The following KLF13 variants were observed in gnomAD, a reference collection of about 807,000 sequenced individuals.
The protein encoded by KLF13 is Krueppel-like factor 13.
In KLF13, 8 loss-of-function variants were observed where a neutral mutation model predicts 16.7. That is an observed-to-expected ratio of 0.48 (90% CI 0.28 to 0.87). KLF13 has a LOEUF of 0.87. Ranked by LOEUF, KLF13 falls within the 40% of genes least tolerant of loss-of-function variation. The pLI is 0.10. For missense variants in KLF13, 447 were observed against 452.2 expected, an observed-to-expected ratio of 0.99 and a Z score of 0.10; for synonymous variants, 245 against 208.4, an observed-to-expected ratio of 1.18 and a Z score of -1.51.
intron 1 of KLF13, among the ~76,000 whole-genome samples, chr15:31,416,606 C>G (rs894972491): frequency 1.3e-5 from 2 of 151,938 alleles, no homozygotes; most frequent in Non-Finnish European, 2.9e-5. Flanking sequence ...AAACACTTAC[C>G]AAACTAAAAA....
chr15:31,392,565 A>C (rs2039887385), upstream of KLF13, among the ~76,000 whole-genome samples: 1 of 152,176 alleles, frequency 6.6e-6, no homozygotes, highest in African/African-American at 2.4e-5. Context: ...CCGCCCCTGA[A>C]GGGGCCTGCA....
Position 31,377,334 on chromosome 15 carries a change from G to T in KLF13, c.*5035G>T. 6.5e-6 allele frequency: 1 copy of T among 152,748 alleles called. No homozygotes were observed. The allele number at this position is 152,748 out of a possible 1,614,324, so 9.5% of individuals were successfully genotyped here. A position where few individuals can be genotyped will look rare whatever the true frequency, so the allele number is the denominator to read the frequency against. ...AGAGAGGCCCCTGGTGCCTAGTGCT[G>T]AGGCCTCTGGGGCTGGAAAGCCTCA... On this transcript the variant is annotated 3_prime_UTR_variant, in exon 2 of 2. Coordinates refer to ENST00000307145, the MANE Select transcript of KLF13 (RefSeq NM_015995.4).
rs56395948 is a variant in KLF13 at position 31,341,667 on chromosome 15, G to A, written c.577+13878G>A. Among the ~76,000 whole-genome samples, 996 of 151,994 alleles carry A rather than the reference G, an allele frequency of 6.6e-3. 13 individuals carry two copies. The highest frequency in any genetic ancestry group is 0.023 in the African/African-American group (952 of 41,426). On this transcript the variant is annotated intron_variant, in intron 1 of 1. Coordinates refer to ENST00000307145, the MANE Select transcript of KLF13 (RefSeq NM_015995.4). ...TCTTCACAGCTCAGCCTGCCAAAGT[G>A]CTGGGACTCCAGGTGTGAGCCACCA...
intron 1 of KLF13, among the ~76,000 whole-genome samples, chr15:31,343,889 T>G (rs1477164476): frequency 1.3e-5 from 2 of 152,128 alleles, no homozygotes; most frequent in Non-Finnish European, 2.9e-5. Flanking sequence ...CCTCTTGATC[T>G]CCTGTCCCCA....
intron 1 of KLF13, among the ~76,000 whole-genome samples, chr15:31,416,195 T>C (rs2040256233): frequency 6.6e-6 from 1 of 152,060 alleles, no homozygotes; most frequent in African/African-American, 2.4e-5. Flanking sequence ...AAGAAAATCT[T>C]AGGCCCAGAA....
chr15:31,402,400 G>A (rs984001996), intron 2 of KLF13, among the ~76,000 whole-genome samples: 3 of 152,234 alleles, frequency 2.0e-5, no homozygotes, highest in Admixed American at 2.0e-4. Context: ...CTCAGATGCC[G>A]TGGAGATGAG....
intron 1 of KLF13, among the ~76,000 whole-genome samples, chr15:31,387,177 G>C (rs2039804612): frequency 6.6e-6 from 1 of 152,170 alleles, no homozygotes; most frequent in Non-Finnish European, 1.5e-5. Context: ...GTTTTACCGT[G>C]GGTAAAATGC....
At chr15:31,371,028 T>A (rs2039547721) in intron 1 of KLF13, among the ~76,000 whole-genome samples, 1 of 151,944 alleles carries the variant, frequency 6.6e-6, no homozygotes, top group African/African-American at 2.4e-5. Context: ...TTAGGGTCTG[T>A]ATGGGGGTGA....
chr15:31,335,489 C>T (rs1272429803), intron 1 of KLF13, among the ~76,000 whole-genome samples: 1 of 21,464 alleles, frequency 4.7e-5, no homozygotes, highest in Non-Finnish European at 9.3e-5. Flanking sequence ...GGTGGCGGGG[C>T]AGGGGGCGGG....
intron 1 of KLF13, among the ~76,000 whole-genome samples, chr15:31,342,968 T>C (rs1340422299): frequency 6.6e-6 from 1 of 152,266 alleles, no homozygotes; most frequent in Admixed American, 6.5e-5. Flanking sequence ...GATTGCTCCG[T>C]GGACACTTGT....
rs1488774704 is a variant in KLF13, at chr15:31,327,291, C to T, written c.79C>T (p.Pro27Ser). 1.5e-6 allele frequency: 2 copies of T among 1,317,308 alleles called. No individual in the cohort carries two copies. The highest frequency in any genetic ancestry group is 9.7e-7 in the Non-Finnish European group (1 of 1,035,766). The allele number at this position is 1,317,308 out of a possible 1,614,324, so 81.6% of individuals were successfully genotyped here. A position where few individuals can be genotyped will look rare whatever the true frequency, so the allele number is the denominator to read the frequency against. Residue 27 changes from proline (P) to serine (S), a missense_variant, in exon 1 of 2, where the codon CCG (proline) becomes TCG (serine). This residue lies in a region of KLF13 where 359 missense variants were observed against 282.8 expected (regional missense o/e 1.27). Coordinates refer to ENST00000307145, the MANE Select transcript of KLF13 (RefSeq NM_015995.4). ...SMSSRAVVHGPREGPESRPEG... is the reference protein window; with the variant it reads ...SMSSRAVVHGSREGPESRPEG... ...GTCGAGCCGCGCGGTCGTGCACGGG[C>T]CGCGGGAGGGGCCGGAGTCCCGGCC...
intron 1 of KLF13, among the ~76,000 whole-genome samples, chr15:31,346,911 G>A (rs72722829): frequency 0.058 from 8,765 of 152,244 alleles, 329 homozygotes; most frequent in East Asian, 0.13. Flanking sequence ...CGTGTGGGTT[G>A]GGTGGGCCAG....
intron 1 of KLF13, among the ~76,000 whole-genome samples, chr15:31,426,508 A>G (rs2040403153): frequency 6.6e-6 from 1 of 152,240 alleles, no homozygotes; most frequent in Non-Finnish European, 1.5e-5. Flanking sequence ...CAATCAAGAA[A>G]GTAAAACGCA....
chr15:31,359,599 AT>A, intron 1 of KLF13, among the ~76,000 whole-genome samples: 1 of 152,364 alleles, frequency 6.6e-6, no homozygotes, highest in South Asian at 2.1e-4. Flanking sequence ...GAAGGCAGAA[AT>A]GCAGAAAGGA....
intron 1 of KLF13, among the ~76,000 whole-genome samples, chr15:31,328,424 G>A (rs182764369): frequency 6.6e-6 from 1 of 152,082 alleles, no homozygotes; most frequent in Admixed American, 6.5e-5. Flanking sequence ...GGCGGTCCCG[G>A]GTCCCGCTCC....
intron 2 of KLF13, among the ~76,000 whole-genome samples, chr15:31,402,129 G>C (rs1046565091): frequency 2.0e-5 from 3 of 152,232 alleles, no homozygotes; most frequent in African/African-American, 7.2e-5. Context: ...CACAACCTCT[G>C]ATCGAGGCTG....
intron 1 of KLF13, among the ~76,000 whole-genome samples, chr15:31,343,935 T>C (rs1316041285): frequency 6.6e-6 from 1 of 152,194 alleles, no homozygotes; most frequent in South Asian, 2.1e-4. Flanking sequence ...CTTTGTATAA[T>C]GTGTTCAGTG....
At chr15:31,342,453 A>G (rs780347519) in intron 1 of KLF13, among the ~76,000 whole-genome samples, 42 of 152,314 alleles carry the variant, frequency 2.8e-4, no homozygotes, top group Admixed American at 5.9e-4. Flanking sequence ...GCTCTTTAGT[A>G]GAGAACAGAA....
intron 1 of KLF13, among the ~76,000 whole-genome samples, chr15:31,335,112 C>T (rs1368014161): frequency 1.3e-5 from 2 of 151,996 alleles, no homozygotes; most frequent in East Asian, 1.9e-4. Flanking sequence ...TGGCACCCTG[C>T]TCATGCTTGC....
Sources: gnomAD v4.1 joint callset for allele counts (sites outside exome capture counted in the v4.1 genomes callset) on GRCh38, gnomAD v4.1.1 for gene constraint, gnomAD v4.1.1 regional missense constraint, MANE v1.5 for transcripts, NCBI Gene and HGNC (gene_info 2026-07-23, HGNC 2026-07-21) for gene names.